PDE10A: variants seen among roughly 807,000 people sequenced by gnomAD.
The protein encoded by PDE10A is phosphodiesterase 10A.
A neutral mutation model predicts 97.7 loss-of-function variants in PDE10A; 39 were observed. That is an observed-to-expected ratio of 0.40 (90% CI 0.31 to 0.52). The LOEUF (loss-of-function observed/expected upper bound fraction) is 0.52, where lower values mean the gene tolerates loss of function less well. Among genes scored for constraint, PDE10A ranks in the 20% least tolerant of loss-of-function variants. The pLI, the probability that PDE10A is intolerant of heterozygous loss-of-function variation, is 0.56. For synonymous variants in PDE10A, 371 were observed against 376.8 expected (o/e 0.98, Z 0.18); for missense variants, 731 against 1,047.8 (o/e 0.70, Z 4.17).
At chr6:165,426,229 A>T (rs1789156076) in intron 10 of PDE10A, among the ~76,000 whole-genome samples, 1 of 152,178 alleles carries the variant, frequency 6.6e-6, no homozygotes, top group Admixed American at 6.5e-5. Flanking sequence ...TTAGGTACCC[A>T]GAAGAGCTAA....
At chr6:165,641,739 G>A (rs902944964) in intron 1 of PDE10A, among the ~76,000 whole-genome samples, 1 of 152,222 alleles carries the variant, frequency 6.6e-6, no homozygotes, top group African/African-American at 2.4e-5. Context: ...TCTGTTCCTA[G>A]ATGCCCTAGA....
In PDE10A at chr6:165,711,593, G is replaced by A. The variant is rs958340190; in HGVS notation, c.-614-168025C>T. Among the ~76,000 whole-genome samples, 11 of 152,166 alleles carry A rather than the reference G, an allele frequency of 7.2e-5. No homozygotes were observed. Among genetic ancestry groups the A allele is most frequent in the African/African-American group, 2.4e-4 (10 of 41,440 alleles). On this transcript the variant is annotated intron_variant, in intron 1 of 19. Transcript: ENST00000366882. The surrounding 1 kb of genome is among the most constrained non-coding windows in gnomAD (Gnocchi z 4.5). The stretch of plus-strand genomic sequence containing the variant: ...GATCCTCCAGCCAGGCCCAAACGCT[G>A]AGGAATGTGAGTGTGTGTCTTGGTA...
intron 1 of PDE10A, among the ~76,000 whole-genome samples, chr6:165,726,795 G>T (rs559937381): frequency 3.5e-5 from 5 of 144,030 alleles, no homozygotes; most frequent in African/African-American, 1.0e-4. Context: ...GATCGAACCC[G>T]CAGTTCAGCG....
intron 4 of PDE10A, among the ~76,000 whole-genome samples, chr6:165,449,448 G>A (rs73788395): frequency 0.035 from 5,335 of 152,152 alleles, 337 homozygotes; most frequent in African/African-American, 0.12. Context: ...AGGGTCATCT[G>A]AAGGCAACTA....
In PDE10A at chr6:165,407,105, G is replaced by A. The variant is rs541260440; in HGVS notation, c.2076+6396C>T. Among the ~76,000 whole-genome samples, 5 of 152,198 alleles carry A rather than the reference G, an allele frequency of 3.3e-5. No individual in the cohort carries two copies. In the South Asian group the frequency reaches 6.2e-4, roughly 19 times the overall value. ...GAACCAATTTCCCTCCTAAGTCCTC[G>A]CTCGTGTATCTATTCATCTATATAT... On this transcript the variant is annotated intron_variant, in intron 13 of 21. Transcript: ENST00000539869.
chr6:165,484,319 CG>C (rs1340935398), intron 2 of PDE10A, among the ~76,000 whole-genome samples: 3 of 152,172 alleles, frequency 2.0e-5, no homozygotes, highest in Non-Finnish European at 4.4e-5. Flanking sequence ...AGCAGGAGGC[CG>C]GAACTGGGCC....
chr6:165,888,973 A>T (rs1387677267), intron 1 of PDE10A, among the ~76,000 whole-genome samples: 1 of 151,934 alleles, frequency 6.6e-6, no homozygotes, highest in Non-Finnish European at 1.5e-5. Context: ...ACAGCCATCT[A>T]TTTACCTTAG....
intron 1 of PDE10A, among the ~76,000 whole-genome samples, chr6:165,639,738 C>CAAAAA (rs35358593): frequency 9.7e-6 from 1 of 102,566 alleles, no homozygotes; most frequent in Non-Finnish European, 1.9e-5. Context: ...GACTCTGTCC[C>CAAAAA]AAAAAAAAAA....
chr6:165,830,718 C>A (rs1034467215), intron 1 of PDE10A, among the ~76,000 whole-genome samples: 2 of 152,254 alleles, frequency 1.3e-5, no homozygotes, highest in South Asian at 4.2e-4. Flanking sequence ...TGTGAAGGGA[C>A]AATCTGAGCA....
intron 1 of PDE10A, among the ~76,000 whole-genome samples, chr6:165,914,702 A>C (rs1412315533): frequency 6.6e-6 from 1 of 152,218 alleles, no homozygotes; most frequent in East Asian, 1.9e-4. Context: ...AAAATGCAGG[A>C]AGATTTGCCC....
chr6:165,604,518 T>TA lies in PDE10A; in HGVS notation c.865+57428dup, dbSNP rs34272357. On this transcript the variant is annotated intron_variant, in intron 1 of 21. Coordinates refer to ENST00000539869, the MANE Select transcript of PDE10A (RefSeq NM_001385079.1). The stretch of plus-strand genomic sequence containing the variant: ...ACAAGACTGCACTTACTCTCTTTGT[T>TA]AAAAAAAAAAAAAAAAAGTGTTACT... Among the ~76,000 whole-genome samples, 242 of 137,778 alleles carry TA rather than the reference T, an allele frequency of 1.8e-3. 1 individual carries two copies. The highest frequency in any genetic ancestry group is 0.011 in the East Asian group (54 of 4,790). 90.4% of individuals were successfully genotyped at this position (137,778 alleles called of 152,430 possible). A position where few individuals can be genotyped will look rare whatever the true frequency, so the allele number is the denominator to read the frequency against.
upstream of PDE10A, among the ~76,000 whole-genome samples, chr6:165,663,372 G>C (rs1223957242): frequency 1.3e-5 from 2 of 152,014 alleles, no homozygotes; most frequent in African/African-American, 4.8e-5. Context: ...GCCTGCACCC[G>C]GGGCCGGGGC....
intron 1 of PDE10A, among the ~76,000 whole-genome samples, chr6:165,936,136 G>A (rs1370417614): frequency 1.3e-5 from 2 of 152,198 alleles, no homozygotes; most frequent in Non-Finnish European, 2.9e-5. Flanking sequence ...GTGGGGAAGA[G>A]CAGGAATCAG....
chr6:165,896,700 A>AT (rs1198725622), intron 1 of PDE10A, among the ~76,000 whole-genome samples: 2 of 151,570 alleles, frequency 1.3e-5, no homozygotes, highest in Admixed American at 1.3e-4. Flanking sequence ...AATTTTTTGT[A>AT]TTTTTAGTAG....
intron 1 of PDE10A, among the ~76,000 whole-genome samples, chr6:165,938,191 A>G (rs487173): frequency 0.054 from 8,263 of 152,332 alleles, 268 homozygotes; most frequent in South Asian, 0.14. Flanking sequence ...ACTCAAGGTA[A>G]AACAACCTTG....
intron 1 of PDE10A, among the ~76,000 whole-genome samples, chr6:165,546,874 A>G (rs1409385238): frequency 6.6e-6 from 1 of 152,162 alleles, no homozygotes; most frequent in Non-Finnish European, 1.5e-5. Context: ...CGTATATCTC[A>G]TAAATACACA....
chr6:165,632,458 G>A (rs1788679261), intron 1 of PDE10A, among the ~76,000 whole-genome samples: 1 of 152,148 alleles, frequency 6.6e-6, no homozygotes, highest in East Asian at 1.9e-4. Flanking sequence ...TCTTTAGGCT[G>A]TAATCTCTAC....
At chr6:165,565,222 T>C (rs1395060277) in intron 1 of PDE10A, among the ~76,000 whole-genome samples, 3 of 152,148 alleles carry the variant, frequency 2.0e-5, no homozygotes, top group Non-Finnish European at 4.4e-5. Flanking sequence ...CAACAAAAGC[T>C]TCTTGGAACT....
At chr6:165,792,929 T>TGGTGG (rs1778698199) in intron 1 of PDE10A, among the ~76,000 whole-genome samples, 2 of 152,286 alleles carry the variant, frequency 1.3e-5, no homozygotes, top group South Asian at 4.1e-4. Context: ...CTTTCCTGTC[T>TGGTGG]GGTGGGGTCA....
Sources: gnomAD v4.1 joint callset for allele counts (sites outside exome capture counted in the v4.1 genomes callset) on GRCh38, gnomAD v4.1.1 for gene constraint, Gnocchi (gnomAD v3.1) non-coding constraint, MANE v1.5 for transcripts, NCBI Gene and HGNC (gene_info 2026-07-23, HGNC 2026-07-21) for gene names.